RBFOX1: variants seen among roughly 807,000 people sequenced by gnomAD.
RBFOX1 encodes the protein RNA binding protein fox-1 homolog 1.
A neutral mutation model predicts 57.7 loss-of-function variants in RBFOX1; 8 were observed. That is an observed-to-expected ratio of 0.14 (90% CI 0.08 to 0.25). The LOEUF (loss-of-function observed/expected upper bound fraction) is 0.25, where lower values mean the gene tolerates loss of function less well. RBFOX1 is among the 10% of genes least tolerant of loss of function. The probability of loss-of-function intolerance (pLI) is 1.00; values close to 1 mark genes in which losing one functional copy is unlikely to be tolerated. For missense variants in RBFOX1, 611 were observed against 548.5 expected (o/e 1.11, Z -1.14); for synonymous variants, 326 against 222.4 (o/e 1.47, Z -4.15).
chr16:7,394,611 A>T (rs554854658), intron 4 of RBFOX1, among the ~76,000 whole-genome samples: 7 of 152,138 alleles, frequency 4.6e-5, no homozygotes, highest in African/African-American at 1.7e-4. Flanking sequence ...TGTACCTCCA[A>T]CGGGTGCCAC....
intron 3 of RBFOX1, among the ~76,000 whole-genome samples, chr16:6,982,221 T>C (rs756015244): frequency 6.6e-6 from 1 of 152,202 alleles, no homozygotes; most frequent in Non-Finnish European, 1.5e-5. Flanking sequence ...TGGTTGGCTA[T>C]CAGGTACCCG....
intron 3 of RBFOX1, among the ~76,000 whole-genome samples, chr16:6,895,424 G>A (rs2066536568): frequency 2.9e-5 from 1 of 34,126 alleles, no homozygotes; most frequent in Non-Finnish European, 6.2e-5. Flanking sequence ...ATATATGTGT[G>A]TGTGTGTGTG....
chr16:5,566,594 GTGTATATATGTGTATATATGTATATGTA>G (rs1450236657), intron 2 of RBFOX1, among the ~76,000 whole-genome samples: 26 of 151,204 alleles, frequency 1.7e-4, no homozygotes, highest in African/African-American at 6.1e-4. Flanking sequence ...GTATATATGT[GTGTATATATGTGTATATATGTATATGTA>G]TGTATATATG....
chr16:6,814,734 T>G (rs1185471874), intron 3 of RBFOX1, among the ~76,000 whole-genome samples: 1 of 152,040 alleles, frequency 6.6e-6, no homozygotes, highest in East Asian at 1.9e-4. Context: ...GAAAAGTCCT[T>G]CAGTCTGGAA....
chr16:6,648,549 C>A (rs933710792), intron 2 of RBFOX1, among the ~76,000 whole-genome samples: 5 of 152,120 alleles, frequency 3.3e-5, no homozygotes, highest in Non-Finnish European at 5.9e-5. Context: ...TGGAATTACC[C>A]GCAGCCCTGT....
chr16:6,861,376 G>A (rs910916584), intron 3 of RBFOX1, among the ~76,000 whole-genome samples: 2 of 152,024 alleles, frequency 1.3e-5, no homozygotes, highest in African/African-American at 4.8e-5. Context: ...CAATCTACAA[G>A]ACAAAAGATG....
chr16:6,784,738 C>G (rs901385599), intron 3 of RBFOX1, among the ~76,000 whole-genome samples: 5 of 151,252 alleles, frequency 3.3e-5, no homozygotes, highest in African/African-American at 1.2e-4. Context: ...GATAGTTGTT[C>G]AATTTGGTGT....
intron 2 of RBFOX1, among the ~76,000 whole-genome samples, chr16:6,410,627 C>T (rs2093429820): frequency 2.0e-5 from 3 of 152,046 alleles, no homozygotes; most frequent in Admixed American, 2.0e-4. Context: ...AGGCCCTGCG[C>T]TAGGAGGACT....
chr16:6,982,996 A>G lies in RBFOX1; in HGVS notation c.-15-69061A>G, dbSNP rs931442514. ...GTGACAAGAGTGAGACTCTGTCTAAAAAAAAAAAAAAAAAAAAAAAAGGAA... is the reference window on the plus strand; with the variant it reads ...GTGACAAGAGTGAGACTCTGTCTAAGAAAAAAAAAAAAAAAAAAAAAGGAA... On this transcript the variant is annotated intron_variant, in intron 3 of 15. Transcript: ENST00000550418. Among the ~76,000 whole-genome samples the G allele has an allele frequency of 4.7e-3, 564 of 121,076 alleles. 2 individuals carry two copies. Among genetic ancestry groups the G allele is most frequent in the Middle Eastern group, 0.013 (3 of 230 alleles). 79.4% of individuals were successfully genotyped at this position (121,076 alleles called of 152,430 possible). A position where few individuals can be genotyped will look rare whatever the true frequency, so the allele number is the denominator to read the frequency against.
At chr16:6,901,691 C>T (rs1023584787) in intron 3 of RBFOX1, among the ~76,000 whole-genome samples, 3 of 152,130 alleles carry the variant, frequency 2.0e-5, no homozygotes, top group African/African-American at 4.8e-5. Context: ...GTTGTTTCTG[C>T]AGAGATAATT....
At chr16:5,797,716 T>G (rs1282812774) in intron 3 of RBFOX1, among the ~76,000 whole-genome samples, 1 of 152,210 alleles carries the variant, frequency 6.6e-6, no homozygotes, top group Non-Finnish European at 1.5e-5. Flanking sequence ...TCTAAATTTA[T>G]TAGGAAAATT....
intron 1 of RBFOX1, among the ~76,000 whole-genome samples, chr16:5,410,984 C>G (rs1448690890): frequency 6.6e-6 from 1 of 152,170 alleles, no homozygotes; most frequent in East Asian, 1.9e-4. Context: ...GAAGATTAGG[C>G]GGGCCAACAC....
intron 4 of RBFOX1, among the ~76,000 whole-genome samples, chr16:7,165,928 G>GCACGTA (rs1567535701): frequency 4.0e-5 from 3 of 75,384 alleles, no homozygotes; most frequent in African/African-American, 1.6e-4. Context: ...CCCACCGCAT[G>GCACGTA]CACATACACA....
chr16:6,706,514 G>C (rs1182492788), intron 3 of RBFOX1, among the ~76,000 whole-genome samples: 1 of 152,170 alleles, frequency 6.6e-6, no homozygotes, highest in Non-Finnish European at 1.5e-5. Context: ...TTACTTTGCA[G>C]CCGTGTTAAT....
At chr16:6,885,731 C>A (rs1331174294) in intron 3 of RBFOX1, among the ~76,000 whole-genome samples, 1 of 152,034 alleles carries the variant, frequency 6.6e-6, no homozygotes, top group Non-Finnish European at 1.5e-5. Flanking sequence ...TGGGTTTCAC[C>A]AGGTTGGACA....
intron 2 of RBFOX1, among the ~76,000 whole-genome samples, chr16:6,422,177 C>T (rs1229393441): frequency 6.6e-6 from 1 of 151,710 alleles, no homozygotes; most frequent in Non-Finnish European, 1.5e-5. Flanking sequence ...CCACCTTGGC[C>T]TCCCAAAATG....
At chr16:6,064,845 C>G (rs1463064029) in intron 1 of RBFOX1, among the ~76,000 whole-genome samples, 1 of 151,972 alleles carries the variant, frequency 6.6e-6, no homozygotes, top group African/African-American at 2.4e-5. Flanking sequence ...GATTTCCAAA[C>G]CTGACATTGT....
intron 3 of RBFOX1, among the ~76,000 whole-genome samples, chr16:5,738,043 C>A (rs1372822045): frequency 1.5e-5 from 2 of 132,094 alleles, no homozygotes; most frequent in Admixed American, 9.0e-5. Context: ...GTGTGATGTT[C>A]CCCTTCCCTG....
rs767328800 is a variant in RBFOX1, at chr16:6,465,552, T to C, written c.-64+148495T>C. Among the ~76,000 whole-genome samples, 84 of 152,074 alleles carry C rather than the reference T, an allele frequency of 5.5e-4. 1 individual carries two copies. The highest frequency in any genetic ancestry group is 8.3e-4 in the South Asian group (4 of 4,822). On this transcript the variant is annotated intron_variant, in intron 2 of 15. Transcript: ENST00000550418. Reference sequence around the variant, plus strand: ...ATGCTGCTAAGTTTACCTGCACTTTTAGTGTACATTCAGATCAGAGTCTTC... The same window carrying C: ...ATGCTGCTAAGTTTACCTGCACTTTCAGTGTACATTCAGATCAGAGTCTTC...
Sources: gnomAD v4.1 joint callset for allele counts (sites outside exome capture counted in the v4.1 genomes callset) on GRCh38, gnomAD v4.1.1 for gene constraint, MANE v1.5 for transcripts, NCBI Gene and HGNC (gene_info 2026-07-23, HGNC 2026-07-21) for gene names.